The following PTPRD variants were observed in gnomAD, a reference collection of about 807,000 sequenced individuals.
PTPRD encodes the protein receptor-type tyrosine-protein phosphatase delta.
Under a neutral mutation model 214.5 loss-of-function variants are expected in PTPRD, and 34 were observed. The ratio of observed to expected loss-of-function variants is 0.16; its 90% confidence interval spans 0.12 to 0.21. The LOEUF is 0.21. PTPRD is among the 10% of genes least tolerant of loss of function. The pLI is 1.00. For synonymous variants in PTPRD, 1,128 were observed against 845.7 expected, an observed-to-expected ratio of 1.33 and a Z score of -5.79; for missense variants, 2,545 against 2,398.7, an observed-to-expected ratio of 1.06 and a Z score of -1.27.
intron 9 of PTPRD, among the ~76,000 whole-genome samples, chr9:9,225,671 T>A (rs1240447049): frequency 6.6e-6 from 1 of 152,064 alleles, no homozygotes; most frequent in African/African-American, 2.4e-5. Flanking sequence ...ATAGCGCATT[T>A]AAGAATTCTA....
At chr9:10,104,037 CATT>C (rs1380870239) in intron 3 of PTPRD, among the ~76,000 whole-genome samples, 1 of 151,656 alleles carries the variant, frequency 6.6e-6, no homozygotes, top group Non-Finnish European at 1.5e-5. Context: ...AACTTAAGGA[CATT>C]ATGTTAAGTG....
At chr9:8,748,038 C>G (rs982450652) in intron 11 of PTPRD, among the ~76,000 whole-genome samples, 1 of 152,152 alleles carries the variant, frequency 6.6e-6, no homozygotes, top group East Asian at 1.9e-4. Flanking sequence ...GACCGGCCTG[C>G]TAGCCCATGC....
intron 3 of PTPRD, among the ~76,000 whole-genome samples, chr9:10,142,909 A>T (rs1414179181): frequency 6.7e-6 from 1 of 150,310 alleles, no homozygotes; most frequent in Non-Finnish European, 1.5e-5. Context: ...GATTAAGAAA[A>T]TGTGGCACAT....
intron 9 of PTPRD, among the ~76,000 whole-genome samples, chr9:9,205,048 G>A (rs2099944025): frequency 6.6e-6 from 1 of 151,970 alleles, no homozygotes; most frequent in East Asian, 1.9e-4. Flanking sequence ...TTAATCTAAT[G>A]GGAATTTAAT....
At chr9:10,523,741 T>C (rs2053334692) in intron 2 of PTPRD, among the ~76,000 whole-genome samples, 1 of 151,078 alleles carries the variant, frequency 6.6e-6, no homozygotes, top group Non-Finnish European at 1.5e-5. Context: ...ATTGATTCTC[T>C]TTATGATTAC....
chr9:9,693,449 C>T (rs1178650008), intron 7 of PTPRD, among the ~76,000 whole-genome samples: 2 of 152,082 alleles, frequency 1.3e-5, no homozygotes, highest in African/African-American at 2.4e-5. Context: ...TTGTAAGTTT[C>T]CTCCCCCCGC....
chr9:10,110,262 G>A (rs887648477), intron 3 of PTPRD, among the ~76,000 whole-genome samples: 2 of 152,240 alleles, frequency 1.3e-5, no homozygotes, highest in South Asian at 4.1e-4. Context: ...TGCTCTAGTT[G>A]CACAAACTTG....
chr9:10,374,291 G>T (rs2097686458), intron 2 of PTPRD, among the ~76,000 whole-genome samples: 2 of 152,038 alleles, frequency 1.3e-5, no homozygotes, highest in African/African-American at 4.8e-5. Flanking sequence ...GCAGGCAGGT[G>T]CAATGTAAGA....
intron 11 of PTPRD, among the ~76,000 whole-genome samples, chr9:8,927,506 G>A (rs1220608545): frequency 6.6e-6 from 1 of 152,062 alleles, no homozygotes; most frequent in Admixed American, 6.6e-5. Flanking sequence ...ATGGTTTCCA[G>A]CTTCATCCAT....
At chr9:9,333,504 T>TTTTATATATATATATAATATTATA (rs544075539) in intron 9 of PTPRD, among the ~76,000 whole-genome samples, 1 of 137,248 alleles carries the variant, frequency 7.3e-6, no homozygotes, top group African/African-American at 2.9e-5. Flanking sequence ...ATATAGTATA[T>TTTTATATATATATATAATATTATA]TATATATATA....
intron 3 of PTPRD, among the ~76,000 whole-genome samples, chr9:10,336,217 A>G (rs2096841576): frequency 6.6e-6 from 1 of 151,830 alleles, no homozygotes; most frequent in Admixed American, 6.6e-5. Flanking sequence ...GAAAGACTTA[A>G]GTCTTTTTTT....
At position 9,078,653 on chromosome 9, in the gene PTPRD, T is replaced by C. The variant is rs181890317; in HGVS notation, c.-142-59918A>G. Among the ~76,000 whole-genome samples the C allele has an allele frequency of 3.8e-3, 572 of 152,116 alleles. 1 individual carries two copies. The highest frequency in any genetic ancestry group is 6.4e-3 in the Non-Finnish European group (432 of 67,956). The stretch of plus-strand genomic sequence containing the variant: ...GGAGTTGTGTTTAGAAGGTTTTTTT[T>C]ACTGGGGAGTGTTCTCAGGAGATAC... On this transcript the variant is annotated intron_variant, in intron 10 of 45. Coordinates refer to ENST00000381196, the MANE Select transcript of PTPRD (RefSeq NM_002839.4).
chr9:8,890,146 G>C (rs62529067), intron 11 of PTPRD, among the ~76,000 whole-genome samples: 29,459 of 152,106 alleles, frequency 0.19, 3,124 homozygotes, highest in Non-Finnish European at 0.23. Flanking sequence ...ATAAATATAT[G>C]TCAGAATATT....
intron 10 of PTPRD, among the ~76,000 whole-genome samples, chr9:9,029,475 T>G (rs752387276): frequency 2.2e-4 from 31 of 142,108 alleles, no homozygotes; most frequent in South Asian, 4.7e-4. Context: ...GTACACTTTT[T>G]TTTGTGCCTA....
At chr9:9,899,975 AGT>A (rs1491477669) in intron 5 of PTPRD, among the ~76,000 whole-genome samples, 124 of 150,326 alleles carry the variant, frequency 8.2e-4, no homozygotes, top group African/African-American at 3.0e-3. Flanking sequence ...AAAAAGTAGA[AGT>A]AATAGAAGCA....
intron 11 of PTPRD, among the ~76,000 whole-genome samples, chr9:8,966,852 G>A (rs1322394450): frequency 6.6e-6 from 1 of 151,820 alleles, no homozygotes; most frequent in East Asian, 1.9e-4. Context: ...TTCACAAACT[G>A]TGCATCCGAC....
intron 3 of PTPRD, among the ~76,000 whole-genome samples, chr9:10,132,120 T>C (rs1253843259): frequency 6.6e-6 from 1 of 152,120 alleles, no homozygotes; most frequent in Admixed American, 6.6e-5. Flanking sequence ...CAGCAGTTAC[T>C]ACTGGTAATG....
chr9:9,679,363 G>C (rs1012096770), intron 7 of PTPRD, among the ~76,000 whole-genome samples: 1 of 151,660 alleles, frequency 6.6e-6, no homozygotes, highest in African/African-American at 2.4e-5. Flanking sequence ...TAACATTGTT[G>C]AATATATAGT....
chr9:8,701,119 C>T (rs1383721794), intron 12 of PTPRD, among the ~76,000 whole-genome samples: 2 of 151,852 alleles, frequency 1.3e-5, no homozygotes, highest in Non-Finnish European at 2.9e-5. Flanking sequence ...CAAGATCATG[C>T]CACTGTACTC....
Sources: allele counts gnomAD v4.1 joint callset (sites outside exome capture counted in the v4.1 genomes callset), GRCh38; gene constraint gnomAD v4.1.1; transcripts MANE v1.5; gene names NCBI Gene and HGNC (gene_info 2026-07-23, HGNC 2026-07-21).